MTUS1: variants seen among roughly 807,000 people sequenced by gnomAD.
MTUS1 encodes microtubule associated scaffold protein 1.
Under a neutral mutation model 120.8 loss-of-function variants are expected in MTUS1, and 109 were observed. That is an observed-to-expected ratio of 0.90 (90% CI 0.77 to 1.06). MTUS1 has a LOEUF of 1.06. Ranked by LOEUF, MTUS1 falls within the 50% of genes least tolerant of loss-of-function variation. The probability of loss-of-function intolerance (pLI) is 0.00; values close to 1 mark genes in which losing one functional copy is unlikely to be tolerated. For missense variants in MTUS1, 2,210 were observed against 1,486.3 expected (o/e 1.49, Z -8.01); for synonymous variants, 737 against 550.5 (o/e 1.34, Z -4.74).
At chr8:17,655,579 C>T (rs567513174) in intron 9 of MTUS1, among the ~76,000 whole-genome samples, 98 of 152,196 alleles carry the variant, frequency 6.4e-4, no homozygotes, top group African/African-American at 2.2e-3. Flanking sequence ...CAAAAATTAG[C>T]TGGGCATGGT....
At chr8:17,789,150 A>G (rs990296232) in intron 1 of MTUS1, among the ~76,000 whole-genome samples, 4 of 151,826 alleles carry the variant, frequency 2.6e-5, no homozygotes, top group African/African-American at 7.3e-5. Context: ...CTCCTGCCTC[A>G]GCCTGACCAG....
chr8:17,645,797 A>G lies in MTUS1; in HGVS notation c.*129T>C. 8.1e-7 allele frequency: 1 copy of G among 1,238,258 alleles called. No individual in the cohort carries two copies. The highest frequency in any genetic ancestry group is 2.1e-5 in the South Asian group (1 of 47,284). 76.7% of individuals were successfully genotyped at this position (1,238,258 alleles called of 1,614,324 possible). ...AGAAGCTGCGATTCCGCCGGTGGTG[A>G]CGCTCCAGTTACCCTACGGTGATCA... On this transcript the variant is annotated 3_prime_UTR_variant, in exon 15 of 15. Coordinates refer to ENST00000693296, the MANE Select transcript of MTUS1 (RefSeq NM_001363059.2).
At chr8:17,707,345 TGG>T (rs1024782364) in intron 6 of MTUS1, among the ~76,000 whole-genome samples, 27 of 152,320 alleles carry the variant, frequency 1.8e-4, no homozygotes, top group African/African-American at 5.8e-4. Context: ...CACTTTGTTG[TGG>T]TCCTCTGTCC....
chr8:17,731,328 C>T (rs2046562998), intron 3 of MTUS1, among the ~76,000 whole-genome samples: 1 of 152,152 alleles, frequency 6.6e-6, no homozygotes, highest in South Asian at 2.1e-4. Context: ...CACCGTTCTG[C>T]ACTTCTGTTT....
intron 1 of MTUS1, among the ~76,000 whole-genome samples, chr8:17,775,630 G>C (rs2050363875): frequency 6.6e-6 from 1 of 152,210 alleles, no homozygotes; most frequent in Admixed American, 6.5e-5. Flanking sequence ...TATCATAAAA[G>C]AGACATTATA....
chr8:17,681,532 T>C (rs1275122886), intron 7 of MTUS1: 3 of 154,826 alleles, frequency 1.9e-5, no homozygotes, highest in East Asian at 3.8e-4. Context: ...CTCGTGTCTT[T>C]GGTGAGGATT....
At chr8:17,694,940 A>G (rs751005529) in intron 6 of MTUS1, among the ~76,000 whole-genome samples, 49 of 152,144 alleles carry the variant, frequency 3.2e-4, no homozygotes, top group Non-Finnish European at 5.1e-4. Context: ...GTGTGAGGTT[A>G]GGTGCACAGG....
chr8:17,754,692 A>C lies in MTUS1; in HGVS notation c.1116T>G (p.Thr372=), dbSNP rs1418375919. 1 of 1,614,180 alleles carries C rather than the reference A, an allele frequency of 6.2e-7. No homozygotes were observed. Among genetic ancestry groups the C allele is most frequent in the Admixed American group, 1.7e-5 (1 of 60,018 alleles). ...AGACCATTTGTGTGTCTTCAGTCTCAGTGACTTTATGCTCTGGGTTCAGCA... is the reference window on the plus strand; with the variant it reads ...AGACCATTTGTGTGTCTTCAGTCTCCGTGACTTTATGCTCTGGGTTCAGCA... ...AQVLNPEHKV[T]ETEDTQMVSK... The change falls in exon 2 of 15, where the codon ACT becomes ACG. Residue 372 remains threonine, a synonymous_variant. Coordinates refer to ENST00000693296, the MANE Select transcript of MTUS1 (RefSeq NM_001363059.2).
At chr8:17,646,316 G>C (rs1298703491) in intron 14 of MTUS1, among the ~76,000 whole-genome samples, 177 bp from the exon 15 acceptor site, 1 of 152,166 alleles carries the variant, frequency 6.6e-6, no homozygotes, top group Non-Finnish European at 1.5e-5. Flanking sequence ...GGCCGGGCGT[G>C]GTGGCTCAAG....
rs1172711822 is a variant in MTUS1, at chr8:17,724,500, A to T, written c.2288-667T>A. On this transcript the variant is annotated intron_variant, in intron 3 of 14. Coordinates refer to ENST00000693296, the MANE Select transcript of MTUS1 (RefSeq NM_001363059.2). ...CTATACTATTAAGATTTTTTTTTTT[A>T]ATCTCACCTTTTCTTCTTTACTCCC... 1.4e-4 allele frequency among the ~76,000 whole-genome samples: 21 copies of T among 151,194 alleles called. No homozygotes were observed. The East Asian group carries it at 3.8e-3, about 27-fold the overall frequency.
intron 4 of MTUS1, among the ~76,000 whole-genome samples, chr8:17,719,449 T>A (rs2131074059): frequency 6.6e-6 from 1 of 152,320 alleles, no homozygotes; most frequent in South Asian, 2.1e-4. Context: ...CAAGAATGTC[T>A]CACATATACC....
At chr8:17,656,887 G>C (rs971997804) in intron 8 of MTUS1, among the ~76,000 whole-genome samples, 17 of 150,706 alleles carry the variant, frequency 1.1e-4, no homozygotes, top group Non-Finnish European at 3.0e-5. Flanking sequence ...GTGAAACCCT[G>C]TCTCTACTAA....
At chr8:17,700,140 AAC>A (rs1360260985) in intron 6 of MTUS1, among the ~76,000 whole-genome samples, 1 of 152,138 alleles carries the variant, frequency 6.6e-6, no homozygotes, top group Non-Finnish European at 1.5e-5. Context: ...CCTAAAGTAC[AAC>A]AGTTTGTAGT....
At chr8:17,785,200 GCCTCCAAAGA>G (rs2051205137) in intron 1 of MTUS1, among the ~76,000 whole-genome samples, 1 of 19,668 alleles carries the variant, frequency 5.1e-5, no homozygotes, top group Non-Finnish European at 3.6e-4. Context: ...CCTTCAAAGA[GCCTCCAAAGA>G]GCCTCCAGTT....
chr8:17,682,762 T>C (rs1814840577), intron 7 of MTUS1, among the ~76,000 whole-genome samples: 1 of 152,138 alleles, frequency 6.6e-6, no homozygotes. Flanking sequence ...ACATAAAAAC[T>C]AATTGTTCCC....
At chr8:17,722,675 C>T in intron 4 of MTUS1, 1 of 437,088 alleles carries the variant, frequency 2.3e-6, no homozygotes, top group Non-Finnish European at 3.0e-6. Flanking sequence ...TCTCAATTCC[C>T]TCACATAGCT....
chr8:17,731,228 C>T (rs1016317036), intron 3 of MTUS1, among the ~76,000 whole-genome samples: 3 of 152,042 alleles, frequency 2.0e-5, no homozygotes, highest in Non-Finnish European at 4.4e-5. Context: ...AGAAGCAGAA[C>T]GGTACAGTAG....
At chr8:17,771,910 A>C (rs1232798920) in intron 1 of MTUS1, among the ~76,000 whole-genome samples, 1 of 152,228 alleles carries the variant, frequency 6.6e-6, no homozygotes, top group Admixed American at 6.5e-5. Context: ...TCTACTGCAT[A>C]ACTCTATGAG....
In MTUS1 at chr8:17,746,135, G is replaced by A. The variant is rs192664657; in HGVS notation, c.2092-2336C>T. On this transcript the variant is annotated intron_variant, in intron 2 of 14. Transcript: ENST00000693296. ...GGTAGTTCTTTATATAGCAATGTGA[G>A]AACAGACTGATACAGCTAGTCTTCA... 1.7e-3 allele frequency among the ~76,000 whole-genome samples: 262 copies of A among 152,180 alleles called. 2 individuals are homozygous for A. Among genetic ancestry groups the A allele is most frequent in the African/African-American group, 5.7e-3 (238 of 41,514 alleles).
Sources: allele counts gnomAD v4.1 joint callset (sites outside exome capture counted in the v4.1 genomes callset), GRCh38; gene constraint gnomAD v4.1.1; transcripts MANE v1.5; gene names NCBI Gene and HGNC (gene_info 2026-07-23, HGNC 2026-07-21).